Variants in AVEN observed in about 807,000 individuals in gnomAD.
AVEN encodes the protein apoptosis and caspase activation inhibitor.
A neutral mutation model predicts 38.1 loss-of-function variants in AVEN; 41 were observed. The observed-to-expected ratio is 1.08, with a 90% CI of 0.84 to 1.40. The LOEUF (loss-of-function observed/expected upper bound fraction) is 1.40, where lower values mean the gene tolerates loss of function less well. Ranked by LOEUF, AVEN falls within the 40% of genes most tolerant of loss-of-function variation. The pLI is 0.00. For synonymous variants in AVEN, 206 were observed against 171.8 expected (o/e 1.20, Z -1.56); for missense variants, 605 against 438.8 (o/e 1.38, Z -3.38).
intron 2 of AVEN, among the ~76,000 whole-genome samples, chr15:33,981,857 C>T (rs1031242021): frequency 1.3e-5 from 2 of 151,912 alleles, no homozygotes; most frequent in Non-Finnish European, 2.9e-5. Context: ...GTTTTTGAAA[C>T]GGAGTCTCAC....
chr15:34,028,757 T>C (rs959066695), intron 1 of AVEN, among the ~76,000 whole-genome samples: 1 of 152,036 alleles, frequency 6.6e-6, no homozygotes, highest in Admixed American at 6.6e-5. Flanking sequence ...TTCAGTAACT[T>C]TCCTGAGATT....
chr15:33,931,740 C>CT (rs1474781236), intron 2 of AVEN, among the ~76,000 whole-genome samples: 3 of 152,036 alleles, frequency 2.0e-5, no homozygotes, highest in African/African-American at 7.2e-5. Context: ...TCTTATTTTA[C>CT]TTTTTTTAAA....
chr15:34,053,188 T>G (rs1899993324), intron 5 of AVEN, among the ~76,000 whole-genome samples: 1 of 150,130 alleles, frequency 6.7e-6, no homozygotes, highest in Non-Finnish European at 1.5e-5. Flanking sequence ...CAGTCCCAGC[T>G]ACTCAGGAGG....
At chr15:33,939,121 A>G (rs1030755466) in intron 2 of AVEN, among the ~76,000 whole-genome samples, 1 of 152,178 alleles carries the variant, frequency 6.6e-6, no homozygotes, top group African/African-American at 2.4e-5. Context: ...GATTACAGGC[A>G]TGAGCCACCA....
At chr15:34,048,622 C>G (rs1450045300) in intron 5 of AVEN, among the ~76,000 whole-genome samples, 3 of 152,220 alleles carry the variant, frequency 2.0e-5, no homozygotes, top group Non-Finnish European at 4.4e-5. Context: ...CCATTCCAGC[C>G]TGCTGGCTTT....
intron 2 of AVEN, among the ~76,000 whole-genome samples, chr15:33,883,251 G>A (rs529765038): frequency 4.4e-4 from 67 of 152,302 alleles, no homozygotes; most frequent in African/African-American, 1.5e-3. Context: ...GTAGTGTATG[G>A]TGACTACAGG....
intron 2 of AVEN, among the ~76,000 whole-genome samples, chr15:33,885,915 C>T (rs182274692): frequency 3.3e-5 from 5 of 152,288 alleles, no homozygotes; most frequent in Admixed American, 6.5e-5. Context: ...GATCAATCAC[C>T]TTCAGAACAA....
At chr15:33,999,981 G>A (rs1223040633) in intron 2 of AVEN, among the ~76,000 whole-genome samples, 1 of 152,060 alleles carries the variant, frequency 6.6e-6, no homozygotes, top group Non-Finnish European at 1.5e-5. Context: ...TGACCCCATC[G>A]CATATTCGCT....
At chr15:33,860,777 T>G in intron 11 of AVEN, 1 of 812,222 alleles carries the variant, frequency 1.2e-6, no homozygotes, top group African/African-American at 1.7e-5. Flanking sequence ...GAACGCAGTT[T>G]GTTTTCCATG....
At position 34,039,010 on chromosome 15, in the gene AVEN, G is replaced by T. The variant is rs1899327951; in HGVS notation, c.37C>A (p.Arg13=). The T allele has an allele frequency of 2.7e-6, 3 of 1,120,834 alleles. No individual in the cohort carries two copies. Among genetic ancestry groups the T allele is most frequent in the Admixed American group, 9.5e-5 (2 of 21,154 alleles). The allele number at this position is 1,120,834 out of a possible 1,614,324, so 69.4% of individuals were successfully genotyped here. ...AERGARGGRG[R]RPGRGRPGGD... ...CCAGGCCGGCCGCGGCCTGGCCGCC[G>T]CCCACGGCCTCCCCGAGCTCCTCGC... The change falls in exon 1 of 6, where the codon CGG becomes AGG. Residue 13 remains arginine (R), a synonymous_variant. Transcript: ENST00000306730.
chr15:33,994,258 T>A (rs1033069183), intron 2 of AVEN, among the ~76,000 whole-genome samples: 2 of 152,210 alleles, frequency 1.3e-5, no homozygotes. Flanking sequence ...AGCCAAACCC[T>A]ATTGTGAACT....
At chr15:33,870,860 G>C (rs1476327234) in intron 4 of AVEN, 75 bp downstream of exon 4, 3 of 1,033,314 alleles carry the variant, frequency 2.9e-6, no homozygotes, top group South Asian at 1.7e-5. Flanking sequence ...GAGACATCCT[G>C]CTGAGGGAAG....
At chr15:33,932,826 A>AAAAT (rs1404090251) in intron 2 of AVEN, among the ~76,000 whole-genome samples, 1 of 47,908 alleles carries the variant, frequency 2.1e-5, no homozygotes, top group East Asian at 8.8e-4. Flanking sequence ...ACTCCATCAC[A>AAAAT]AAATAAACAA....
At chr15:33,987,258 A>T (rs186277971) in intron 2 of AVEN, among the ~76,000 whole-genome samples, 353 of 152,332 alleles carry the variant, frequency 2.3e-3, no homozygotes, top group Non-Finnish European at 4.5e-3. Flanking sequence ...ATTCTTTTGC[A>T]TATGTCACCT....
intron 1 of AVEN, among the ~76,000 whole-genome samples, chr15:34,011,448 CTT>C (rs1897634470): frequency 6.6e-6 from 1 of 152,118 alleles, no homozygotes; most frequent in South Asian, 2.1e-4. Context: ...TGAATTATCT[CTT>C]GATCCCAGAA....
At chr15:33,865,120 T>G (rs1305509998), downstream of AVEN, 1 of 1,605,082 alleles carries the variant, frequency 6.2e-7, no homozygotes. Context: ...CCGTTGTTCA[T>G]ATTATTTCAG....
chr15:33,992,359 C>A (rs936583139), intron 2 of AVEN, among the ~76,000 whole-genome samples: 2 of 151,714 alleles, frequency 1.3e-5, no homozygotes, highest in Non-Finnish European at 2.9e-5. Flanking sequence ...CACTGCACTC[C>A]AGCCTGCGCG....
chr15:33,866,781 G>C, intron 5 of AVEN, 53 bp from the exon 6 acceptor site: 1 of 1,289,942 alleles, frequency 7.8e-7, no homozygotes, highest in Non-Finnish European at 1.1e-6. Flanking sequence ...AAAATTGAAG[G>C]TATAATTCAG....
At chr15:33,917,479 G>A (rs762724054) in intron 2 of AVEN, among the ~76,000 whole-genome samples, 2 of 90,632 alleles carry the variant, frequency 2.2e-5, no homozygotes, top group East Asian at 3.6e-4. Flanking sequence ...CATACATCAT[G>A]GGATACTACA....
Sources: allele counts gnomAD v4.1 joint callset (sites outside exome capture counted in the v4.1 genomes callset), GRCh38; gene constraint gnomAD v4.1.1; transcripts MANE v1.5; gene names NCBI Gene and HGNC (gene_info 2026-07-23, HGNC 2026-07-21).